CHN1: variants seen among roughly 807,000 people sequenced by gnomAD.
The protein encoded by CHN1 is N-chimaerin.
In CHN1, 37 loss-of-function variants were observed where a neutral mutation model predicts 59.5. The ratio of observed to expected loss-of-function variants is 0.62; its 90% CI spans 0.48 to 0.82. CHN1 has a LOEUF of 0.82. CHN1 is among the 40% of genes least tolerant of loss of function. The probability of loss-of-function intolerance (pLI) is 0.00; values close to 1 mark genes in which losing one functional copy is unlikely to be tolerated. For synonymous variants in CHN1, 206 were observed against 200.4 expected (o/e 1.03, Z -0.24); for missense variants, 469 against 571.0 (o/e 0.82, Z 1.82).
chr2:174,867,153 C>G (rs183235076), intron 6 of CHN1, among the ~76,000 whole-genome samples: 1 of 151,014 alleles, frequency 6.6e-6, no homozygotes, highest in Non-Finnish European at 1.5e-5. Flanking sequence ...GCAGGCGGAT[C>G]AGTTGAACTC....
At chr2:174,840,402 G>A (rs1057011190) in intron 7 of CHN1, among the ~76,000 whole-genome samples, 3 of 152,066 alleles carry the variant, frequency 2.0e-5, no homozygotes, top group Non-Finnish European at 4.4e-5. Flanking sequence ...CTGGGCTCAA[G>A]CAATCCTCCT....
At chr2:174,877,350 ATGAC>A (rs1683953215) in intron 6 of CHN1, among the ~76,000 whole-genome samples, 2 of 152,270 alleles carry the variant, frequency 1.3e-5, no homozygotes, top group Admixed American at 6.5e-5. Flanking sequence ...CTATTCAAGA[ATGAC>A]TGACTCCCAA....
intron 6 of CHN1, among the ~76,000 whole-genome samples, chr2:174,870,474 A>T (rs1187564844): frequency 6.6e-6 from 1 of 152,224 alleles, no homozygotes; most frequent in Non-Finnish European, 1.5e-5. Context: ...AGGAGAAAGG[A>T]GAAATGATTC....
chr2:174,880,714 T>A (rs1335320126), intron 5 of CHN1, among the ~76,000 whole-genome samples: 3 of 152,140 alleles, frequency 2.0e-5, no homozygotes, highest in African/African-American at 7.2e-5. Flanking sequence ...GGTAAAAAGA[T>A]AAAACAGGTC....
At chr2:174,910,037 G>T (rs1029677760) in intron 5 of CHN1, among the ~76,000 whole-genome samples, 2 of 152,178 alleles carry the variant, frequency 1.3e-5, no homozygotes, top group African/African-American at 4.8e-5. Flanking sequence ...TTCTAACAGT[G>T]AGAATGGGTA....
At position 175,005,300 on chromosome 2, in the gene CHN1, A is replaced by G; in HGVS notation, c.-388T>C. 8.4e-7 allele frequency: 1 copy of G among 1,193,758 alleles called. No homozygotes were observed. The highest frequency in any genetic ancestry group is 1.1e-6 in the Non-Finnish European group (1 of 946,322). 73.9% of individuals were successfully genotyped at this position (1,193,758 alleles called of 1,614,324 possible). A position where few individuals can be genotyped will look rare whatever the true frequency, so the allele number is the denominator to read the frequency against. Reference sequence around the variant, plus strand: ...CGGCGGCGACGGGGAGAGCAGCAGCAGCCTCGCACAGCCCCCGGCGGGGCG... The same window carrying G: ...CGGCGGCGACGGGGAGAGCAGCAGCGGCCTCGCACAGCCCCCGGCGGGGCG... On this transcript the variant is annotated 5_prime_UTR_variant, in exon 1 of 13. Coordinates refer to ENST00000409900, the MANE Select transcript of CHN1 (RefSeq NM_001822.7).
At chr2:174,972,889 T>TA (rs1169419600) in intron 1 of CHN1, among the ~76,000 whole-genome samples, 1 of 152,308 alleles carries the variant, frequency 6.6e-6, no homozygotes, top group East Asian at 1.9e-4. Context: ...AGTGAACTAA[T>TA]AAACATATTC....
intron 7 of CHN1, among the ~76,000 whole-genome samples, chr2:174,844,551 G>C (rs1022661658): frequency 3.9e-5 from 6 of 152,170 alleles, no homozygotes; most frequent in African/African-American, 1.4e-4. Context: ...AAGGATACAT[G>C]AATGATTATC....
At chr2:174,923,069 TATC>T (rs1689061461) in intron 3 of CHN1, among the ~76,000 whole-genome samples, 1 of 152,084 alleles carries the variant, frequency 6.6e-6, no homozygotes, top group Non-Finnish European at 1.5e-5. Flanking sequence ...TTGACCATAA[TATC>T]ATAACTCTTA....
At chr2:174,872,558 TG>T in intron 6 of CHN1, among the ~76,000 whole-genome samples, 1 of 152,320 alleles carries the variant, frequency 6.6e-6, no homozygotes, top group Non-Finnish European at 1.5e-5. Context: ...TAATATATTT[TG>T]GCCTTAAAAG....
chr2:174,806,624 C>T (rs2105376306), intron 11 of CHN1, among the ~76,000 whole-genome samples: 1 of 152,210 alleles, frequency 6.6e-6, no homozygotes, highest in Admixed American at 6.5e-5. Context: ...CCATTGCCGC[C>T]GCCCCTAGTG....
intron 7 of CHN1, among the ~76,000 whole-genome samples, chr2:174,845,004 C>T (rs1427665981): frequency 6.6e-6 from 1 of 152,004 alleles, no homozygotes; most frequent in Non-Finnish European, 1.5e-5. Flanking sequence ...AGTTTAGATA[C>T]CAAGGTAAGA....
At chr2:174,973,229 T>C (rs1475678994) in intron 1 of CHN1, among the ~76,000 whole-genome samples, 3 of 152,208 alleles carry the variant, frequency 2.0e-5, no homozygotes, top group African/African-American at 7.2e-5. Context: ...CTATAACCCA[T>C]GCTTCAACAT....
At chr2:174,824,837 C>T (rs1455343064) in intron 7 of CHN1, among the ~76,000 whole-genome samples, 1 of 152,122 alleles carries the variant, frequency 6.6e-6, no homozygotes, top group African/African-American at 2.4e-5. Flanking sequence ...TCTTGAACTT[C>T]TGAGCTCAAG....
chr2:174,899,623 A>G (rs1688326146), intron 5 of CHN1, among the ~76,000 whole-genome samples: 2 of 152,244 alleles, frequency 1.3e-5, no homozygotes, highest in East Asian at 1.9e-4. Context: ...TATTTACTAT[A>G]GGATCCTTTA....
chr2:174,887,809 T>G (rs1318094421), intron 5 of CHN1, among the ~76,000 whole-genome samples: 1 of 152,182 alleles, frequency 6.6e-6, no homozygotes, highest in Admixed American at 6.5e-5. Context: ...AGTTTCCTAT[T>G]TATGCAAAGA....
intron 5 of CHN1, among the ~76,000 whole-genome samples, chr2:174,880,958 A>C (rs1409917145): frequency 6.6e-6 from 1 of 151,116 alleles, no homozygotes; most frequent in Non-Finnish European, 1.5e-5. Flanking sequence ...AGGCAGGAGA[A>C]TTGCTTGAAT....
At chr2:174,886,141 G>A (rs76094663) in intron 5 of CHN1, among the ~76,000 whole-genome samples, 1 of 152,316 alleles carries the variant, frequency 6.6e-6, no homozygotes, top group East Asian at 1.9e-4. Context: ...TTCTATACAT[G>A]TATAAGTGTG....
In CHN1 at chr2:174,952,087, G is replaced by A. The variant is rs575144310; in HGVS notation, c.58+77C>T. The A allele has an allele frequency of 1.9e-5, 17 of 879,384 alleles. No homozygotes were observed. In the South Asian group the frequency reaches 4.5e-4, roughly 23 times the overall value. The allele number at this position is 879,384 out of a possible 1,614,324, so 54.5% of individuals were successfully genotyped here. On this transcript the variant is annotated intron_variant, in intron 2 of 12. Coordinates refer to ENST00000409900, the MANE Select transcript of CHN1 (RefSeq NM_001822.7). ...CAACAATGGGTACAAAATGGAATGA[G>A]TATTTCTATCTAATAATCCCATATT...
Sources: gnomAD v4.1 joint callset for allele counts (sites outside exome capture counted in the v4.1 genomes callset) on GRCh38, gnomAD v4.1.1 for gene constraint, MANE v1.5 for transcripts, NCBI Gene and HGNC (gene_info 2026-07-23, HGNC 2026-07-21) for gene names.